Variants in MACC1 observed in about 807,000 individuals in gnomAD.
MACC1 encodes metastasis-associated in colon cancer protein 1.
A neutral mutation model predicts 70.7 loss-of-function variants in MACC1; 79 were observed. The ratio of observed to expected loss-of-function variants is 1.12; its 90% CI spans 0.93 to 1.35. The LOEUF (loss-of-function observed/expected upper bound fraction) is 1.35. Among genes scored for constraint, MACC1 ranks in the 40% most tolerant of loss-of-function variants. The probability of loss-of-function intolerance (pLI) is 0.00; values close to 1 mark genes in which losing one functional copy is unlikely to be tolerated. For synonymous variants in MACC1, 361 were observed against 347.2 expected (o/e 1.04, Z -0.44); for missense variants, 1,106 against 978.1 (o/e 1.13, Z -1.74).
At chr7:20,154,495 C>T (rs944146973) in intron 5 of MACC1, 114 bp from the exon 6 acceptor site, 11 of 1,059,642 alleles carry the variant, frequency 1.0e-5, no homozygotes, top group Middle Eastern at 2.2e-4. Flanking sequence ...TTTCACTACA[C>T]GTATAATCGA....
chr7:20,189,788 G>C (rs1349553168), intron 1 of MACC1, among the ~76,000 whole-genome samples: 1 of 150,372 alleles, frequency 6.7e-6, no homozygotes, highest in Non-Finnish European at 1.5e-5. Context: ...CACAGAGAGA[G>C]AAAAAAGAGA....
chr7:20,162,697 T>A (rs2128103255), intron 3 of MACC1, among the ~76,000 whole-genome samples: 1 of 152,252 alleles, frequency 6.6e-6, no homozygotes, highest in East Asian at 1.9e-4. Context: ...GGATTATTCA[T>A]TAAACAGTGA....
intron 1 of MACC1, among the ~76,000 whole-genome samples, chr7:20,181,483 A>G (rs1447801699): frequency 6.6e-6 from 1 of 152,146 alleles, no homozygotes; most frequent in Non-Finnish European, 1.5e-5. Flanking sequence ...CTGCTTAAGC[A>G]TTTGATAATA....
Position 20,158,592 on chromosome 7 carries a change from C to G in MACC1, c.1769G>C (p.Gly590Ala). Residue 590 changes from glycine to alanine, a missense_variant, in exon 5 of 7, where the codon GGT becomes GCT. Physicochemically the swap from Gly to Ala is moderately conservative, Grantham distance 60. Transcript: ENST00000400331. ...ATACCATTCTTTCACTTTGGACTGA[C>G]CAATAGCTTTTACCTTACCTTCCCC... ...LLGEGKVKAI[G>A]QSKVKEWYVG... 1 of 1,613,932 alleles carries G rather than the reference C, an allele frequency of 6.2e-7. No individual in the cohort carries two copies. Among genetic ancestry groups the G allele is most frequent in the Non-Finnish European group, 8.5e-7 (1 of 1,179,924 alleles).
chr7:20,190,298 T>C (rs748238621), intron 1 of MACC1, among the ~76,000 whole-genome samples: 19 of 152,214 alleles, frequency 1.2e-4, no homozygotes, highest in Admixed American at 3.3e-4. Flanking sequence ...ATAATTGCAA[T>C]CATGGCAAAA....
At chr7:20,202,177 A>G (rs1239661045) in intron 1 of MACC1, among the ~76,000 whole-genome samples, 5 of 152,236 alleles carry the variant, frequency 3.3e-5, no homozygotes, top group Admixed American at 6.5e-5. Flanking sequence ...AGGATAGTGT[A>G]GACAAGTGCA....
chr7:20,208,346 TG>T (rs1782944633), intron 1 of MACC1, among the ~76,000 whole-genome samples: 1 of 152,154 alleles, frequency 6.6e-6, no homozygotes, highest in African/African-American at 2.4e-5. Context: ...TGGGAAAGTT[TG>T]GAACGTCTTA....
chr7:20,184,468 TC>T (rs1782555447), intron 1 of MACC1, among the ~76,000 whole-genome samples: 1 of 152,232 alleles, frequency 6.6e-6, no homozygotes, highest in Admixed American at 6.5e-5. Context: ...ACTCCTTTTT[TC>T]TTTCTCATTA....
At chr7:20,187,869 A>C (rs1405937965) in intron 1 of MACC1, among the ~76,000 whole-genome samples, 1 of 152,130 alleles carries the variant, frequency 6.6e-6, no homozygotes, top group Non-Finnish European at 1.5e-5. Flanking sequence ...AGAGGAAAAA[A>C]CTATCAGAGA....
At chr7:20,194,882 C>A (rs184321552) in intron 1 of MACC1, among the ~76,000 whole-genome samples, 1 of 152,226 alleles carries the variant, frequency 6.6e-6, no homozygotes, top group African/African-American at 2.4e-5. Context: ...AACAAAATTG[C>A]CTTTATAGAG....
chr7:20,205,397 C>T (rs894390664), intron 1 of MACC1, among the ~76,000 whole-genome samples: 4 of 152,118 alleles, frequency 2.6e-5, no homozygotes, highest in African/African-American at 9.7e-5. Flanking sequence ...AGGAAAAGCC[C>T]AGATGCTAAG....
chr7:20,135,068 T>A lies in MACC1; in HGVS notation c.*5878A>T, dbSNP rs1781702291. The A allele has an allele frequency of 6.6e-6, 1 of 152,218 alleles. No individual in the cohort carries two copies. The highest frequency in any genetic ancestry group is 1.5e-5 in the Non-Finnish European group (1 of 68,034). 9.4% of individuals were successfully genotyped at this position (152,218 alleles called of 1,614,324 possible). On this transcript the variant is annotated 3_prime_UTR_variant, in exon 7 of 7. Transcript: ENST00000400331. ...GATCACATTGATTAAAAACATTTTT[T>A]TCAATGGGAAAAAATACATTTAACA... is the stretch of plus-strand genomic sequence containing the variant.
At chr7:20,167,182 T>A (rs1322475027) in intron 2 of MACC1, among the ~76,000 whole-genome samples, 1 of 150,982 alleles carries the variant, frequency 6.6e-6, no homozygotes, top group Non-Finnish European at 1.5e-5. Flanking sequence ...TCATCCTTAT[T>A]TTTTTTTTAA....
At chr7:20,192,302 T>C (rs1052655219) in intron 1 of MACC1, among the ~76,000 whole-genome samples, 3 of 152,236 alleles carry the variant, frequency 2.0e-5, no homozygotes, top group African/African-American at 7.2e-5. Context: ...AATGATAGCC[T>C]CTAATTCTTT....
Position 20,192,864 on chromosome 7 carries a change from G to A in MACC1, c.-217-22086C>T, listed in dbSNP as rs553631381. ...GATTCAGGGATGAAGTACTCATCCC[G>A]TACTGATGAAATTGAAAAGTACTAC... On this transcript the variant is annotated intron_variant, in intron 1 of 6. Transcript: ENST00000400331. Among the ~76,000 whole-genome samples the A allele has an allele frequency of 4.5e-4, 69 of 152,268 alleles. 1 individual carries two copies. Among genetic ancestry groups the A allele is most frequent in the African/African-American group, 1.3e-3 (54 of 41,548 alleles).
Position 20,159,799 on chromosome 7 carries a change from GC to G in MACC1, c.561del (p.Gln187HisfsTer9), listed in dbSNP as rs768494093. On this transcript the variant is annotated frameshift_variant, in exon 5 of 7. Transcript: ENST00000400331. LOFTEE classifies it high-confidence loss of function. ...TTCAAATCAAGGCAGGAGCGGGCCA[GC>G]TGGCGTTGACTTAACCAAGCCATTT... ...AYKMAWLSQR[Q>X]LARSCLDLNT... is the part of the protein sequence containing the mutation. 1 of 1,614,140 alleles carries G rather than the reference GC, an allele frequency of 6.2e-7. No individual in the cohort carries two copies.
intron 6 of MACC1, among the ~76,000 whole-genome samples, chr7:20,148,976 C>T (rs1240721230): frequency 6.6e-6 from 1 of 152,204 alleles, no homozygotes; most frequent in African/African-American, 2.4e-5. Context: ...AAGGCTAGAA[C>T]TGAACCAGGC....
intron 1 of MACC1, among the ~76,000 whole-genome samples, chr7:20,210,527 C>T (rs1290993462): frequency 6.6e-6 from 1 of 152,174 alleles, no homozygotes; most frequent in African/African-American, 2.4e-5. Context: ...ATGACGCTAC[C>T]TACGTCACAG....
chr7:20,191,561 CA>C (rs1489247915), intron 1 of MACC1, among the ~76,000 whole-genome samples: 1 of 152,126 alleles, frequency 6.6e-6, no homozygotes, highest in Non-Finnish European at 1.5e-5. Context: ...TGCCACTGGA[CA>C]GGGGCTGGAA....
Sources: gnomAD v4.1 joint callset for allele counts (sites outside exome capture counted in the v4.1 genomes callset) on GRCh38, gnomAD v4.1.1 for gene constraint, MANE v1.5 for transcripts, NCBI Gene and HGNC (gene_info 2026-07-23, HGNC 2026-07-21) for gene names.